The following TTC23L variants were observed in gnomAD, a reference collection of about 807,000 sequenced individuals.
The protein encoded by TTC23L is tetratricopeptide repeat protein 23-like.
TTC23L carries 42 observed loss-of-function variants against 48.1 expected under a neutral mutation model. The ratio of observed to expected loss-of-function variants is 0.87; its 90% confidence interval spans 0.68 to 1.13. TTC23L has a LOEUF of 1.13. Among genes scored for constraint, TTC23L ranks in the 50% most tolerant of loss-of-function variants. TTC23L has a pLI of 0.00. For synonymous variants in TTC23L, 159 were observed against 157.2 expected (o/e 1.01, Z -0.09); for missense variants, 391 against 421.0 (o/e 0.93, Z 0.62).
At chr5:34,921,386 T>C in the TTC23L span, 3 of 152,074 alleles carry the variant, frequency 2.0e-5, no homozygotes, top group African/African-American at 7.2e-5. Flanking sequence ...ATAGTATAAA[T>C]GAAGAACAAC....
At chr5:34,843,461 T>C (rs770603030) in intron 2 of TTC23L, among the ~76,000 whole-genome samples, 2 of 152,238 alleles carry the variant, frequency 1.3e-5, no homozygotes, top group Non-Finnish European at 2.9e-5. Flanking sequence ...GACCTCAATG[T>C]TTCTCATTCC....
chr5:34,846,667 ATGTGTGTGTGTGTGTG>A (rs869123650), intron 3 of TTC23L, among the ~76,000 whole-genome samples: 1,289 of 66,334 alleles, frequency 0.019, 26 homozygotes, highest in Non-Finnish European at 0.027. Flanking sequence ...ATATGTGTGT[ATGTGTGTGTGTGTGTG>A]TGTGTGTGTG....
intron 8 of TTC23L, among the ~76,000 whole-genome samples, chr5:34,878,932 C>G (rs749253320): frequency 2.0e-5 from 3 of 152,124 alleles, no homozygotes; most frequent in South Asian, 4.1e-4. Flanking sequence ...GTAAAGATAA[C>G]AGAATCAGTC....
chr5:34,915,032 G>T, the TTC23L span: 1 of 832,242 alleles, frequency 1.2e-6, no homozygotes, highest in Non-Finnish European at 1.9e-6. Context: ...GCGCTGAGAG[G>T]TGGAAAGGGG....
chr5:34,911,127 T>C, the TTC23L span, among the ~76,000 whole-genome samples: 13 of 152,358 alleles, frequency 8.5e-5, no homozygotes, highest in South Asian at 2.5e-3. Flanking sequence ...ACACGGTAGG[T>C]GATCAACAGA....
downstream of TTC23L, among the ~76,000 whole-genome samples, chr5:34,900,263 C>G (rs1380557918): frequency 6.6e-6 from 1 of 152,116 alleles, no homozygotes; most frequent in Non-Finnish European, 1.5e-5. Context: ...TTGATTAACA[C>G]ATATTTTGTA....
intron 4 of TTC23L, 120 bp downstream of exon 4, chr5:34,850,428 T>A: frequency 8.1e-7 from 1 of 1,230,606 alleles, no homozygotes; most frequent in Non-Finnish European, 1.2e-6. Flanking sequence ...GCTCACACAT[T>A]ATCAGGAAGG....
At chr5:34,880,548 C>T in intron 9 of TTC23L, 1 of 483,472 alleles carries the variant, frequency 2.1e-6, no homozygotes, top group Non-Finnish European at 3.7e-6. Context: ...TTGGAAACTG[C>T]AGAGTAGGCT....
At chr5:34,925,184 T>C in the TTC23L span, 1 of 1,512,776 alleles carries the variant, frequency 6.6e-7, no homozygotes, top group Non-Finnish European at 8.8e-7. Context: ...AAAATGTTTA[T>C]TTTTATTTCA....
chr5:34,864,162 T>C (rs1197518704), intron 5 of TTC23L, among the ~76,000 whole-genome samples: 3 of 152,104 alleles, frequency 2.0e-5, no homozygotes, highest in Non-Finnish European at 4.4e-5. Flanking sequence ...GGAAATCGAG[T>C]GTAATTTACA....
chr5:34,845,149 G>T (rs1036169665), intron 2 of TTC23L, among the ~76,000 whole-genome samples: 1 of 152,194 alleles, frequency 6.6e-6, no homozygotes, highest in African/African-American at 2.4e-5. Context: ...ACACTGTGCT[G>T]ATTTATGAGT....
Position 34,839,569 on chromosome 5 carries a change from G to C in TTC23L, c.-8+310G>C, listed in dbSNP as rs890516393. 18 of 910,326 alleles carry C rather than the reference G, an allele frequency of 2.0e-5. No homozygotes were observed. In the African/African-American group the frequency reaches 2.5e-4, roughly 13 times the overall value. 56.4% of individuals were successfully genotyped at this position (910,326 alleles called of 1,614,324 possible). A position where few individuals can be genotyped will look rare whatever the true frequency, so the allele number is the denominator to read the frequency against. ...TGAGAGATCAGAACTCTTTGCTGTG[G>C]GCATAGTGTTTAAAGTGGAGGTTAA... On this transcript the variant is annotated intron_variant, in intron 1 of 10. Coordinates refer to ENST00000505624, the Ensembl canonical transcript of TTC23L.
chr5:34,842,909 T>C (rs1580411812), intron 2 of TTC23L, among the ~76,000 whole-genome samples: 2 of 152,170 alleles, frequency 1.3e-5, no homozygotes, highest in African/African-American at 4.8e-5. Context: ...CACTGCACCC[T>C]TCGCCTCCTA....
chr5:34,894,911 A>ATGC (rs1299212754), intron 9 of TTC23L, among the ~76,000 whole-genome samples: 1 of 151,462 alleles, frequency 6.6e-6, no homozygotes, highest in Non-Finnish European at 1.5e-5. Flanking sequence ...GATGATGATG[A>ATGC]TGATGTTAAT....
chr5:34,909,223 T>C, the TTC23L span: 5 of 1,449,876 alleles, frequency 3.4e-6, no homozygotes, highest in South Asian at 6.1e-5. Context: ...ACCTCCTCTT[T>C]ATCACCAATG....
At chr5:34,897,852 A>G (rs1395914101) in intron 10 of TTC23L, among the ~76,000 whole-genome samples, 4 of 152,216 alleles carry the variant, frequency 2.6e-5, no homozygotes. Flanking sequence ...TTTAGGACAT[A>G]AAGTCTTTAT....
chr5:34,848,977 CTAA>C (rs1229510942), intron 3 of TTC23L, among the ~76,000 whole-genome samples: 3 of 152,074 alleles, frequency 2.0e-5, no homozygotes, highest in Admixed American at 2.0e-4. Context: ...CCATAAGTTT[CTAA>C]TAATAATAAC....
downstream of TTC23L, among the ~76,000 whole-genome samples, chr5:34,900,072 G>A (rs1260626478): frequency 1.3e-5 from 2 of 151,898 alleles, no homozygotes; most frequent in African/African-American, 2.4e-5. Context: ...AAAATTCTGC[G>A]ATACCTAAGG....
chr5:34,885,193 A>C (rs1762472256), intron 9 of TTC23L, among the ~76,000 whole-genome samples: 1 of 152,246 alleles, frequency 6.6e-6, no homozygotes, highest in Non-Finnish European at 1.5e-5. Flanking sequence ...CCTTTTAAAA[A>C]TGTCAATGTT....
Sources: allele counts gnomAD v4.1 joint callset (sites outside exome capture counted in the v4.1 genomes callset), GRCh38; gene constraint gnomAD v4.1.1; transcripts MANE v1.5; gene names NCBI Gene and HGNC (gene_info 2026-07-23, HGNC 2026-07-21).